Variants in TLL1 observed in about 807,000 individuals in gnomAD.
TLL1 encodes the protein tolloid like 1, also known as tolloid-like protein 1.
In TLL1, 49 loss-of-function variants were observed where a neutral mutation model predicts 128.2. The ratio of observed to expected loss-of-function variants is 0.38; its 90% confidence interval spans 0.30 to 0.48. The LOEUF (loss-of-function observed/expected upper bound fraction) is 0.48. Among genes scored for constraint, TLL1 ranks in the 20% least tolerant of loss-of-function variants. TLL1 has a pLI of 0.96. For synonymous variants in TLL1, 454 were observed against 418.8 expected (o/e 1.08, Z -1.03); for missense variants, 1,123 against 1,242.0 (o/e 0.90, Z 1.44).
rs751410082 is a variant in TLL1, at chr4:166,063,679, A to G, written c.2008-2004A>G. ...TGCAGCCATAAAAAATGATGAGTTC[A>G]TGTCCTTTGTAGAGACATGGATGAA... is the stretch of plus-strand genomic sequence containing the variant. On this transcript the variant is annotated intron_variant, in intron 15 of 20. Coordinates refer to ENST00000061240, the MANE Select transcript of TLL1 (RefSeq NM_012464.5). Among the ~76,000 whole-genome samples the G allele has an allele frequency of 6.6e-5, 10 of 152,290 alleles. No individual in the cohort carries two copies. In the Middle Eastern group the frequency reaches 0.014, roughly 207 times the overall value.
Position 165,943,421 on chromosome 4 carries a change from T to C in TLL1, c.170-45960T>C, listed in dbSNP as rs181030109. ...CAAATTTTAAAAGATCAGAAGTTTT[T>C]TCCTCCTTAGTAATATTTTATATTT... is the stretch of plus-strand genomic sequence containing the variant. On this transcript the variant is annotated intron_variant, in intron 1 of 20. Coordinates refer to ENST00000061240, the MANE Select transcript of TLL1 (RefSeq NM_012464.5). Among the ~76,000 whole-genome samples, 19 of 152,150 alleles carry C rather than the reference T, an allele frequency of 1.2e-4. 1 individual carries two copies. In the East Asian group the frequency reaches 3.7e-3, roughly 29 times the overall value.
Position 165,951,224 on chromosome 4 carries a change from A to G in TLL1, c.170-38157A>G, listed in dbSNP as rs143599763. 5.1e-4 allele frequency among the ~76,000 whole-genome samples: 78 copies of G among 152,256 alleles called. 1 individual carries two copies. In the East Asian group the frequency reaches 0.013, roughly 26 times the overall value. ...AGAAATGATAACCTGAATAGCCTAC[A>G]CCTATTAAATAAATTGAATTACTGT... On this transcript the variant is annotated intron_variant, in intron 1 of 20. Transcript: ENST00000061240.
rs1270007094 is a variant in TLL1 at position 165,873,368 on chromosome 4, C to G, written c.-537C>G. 6.5e-6 allele frequency: 1 copy of G among 153,342 alleles called. No homozygotes were observed. Among genetic ancestry groups the G allele is most frequent in the East Asian group, 1.9e-4 (1 of 5,228 alleles). 9.5% of individuals were successfully genotyped at this position (153,342 alleles called of 1,614,324 possible). A position where few individuals can be genotyped will look rare whatever the true frequency, so the allele number is the denominator to read the frequency against. ...CACCCCCTTCCTCGGTCTCCCCTTT[C>G]AATTCAGATGTGCTGATGTGCAGAC... On this transcript the variant is annotated 5_prime_UTR_variant, in exon 1 of 21. An upstream open reading frame in the 5' UTR gains an earlier in-frame stop. Coordinates refer to ENST00000061240, the MANE Select transcript of TLL1 (RefSeq NM_012464.5).
intron 1 of TLL1, among the ~76,000 whole-genome samples, chr4:165,899,528 G>C (rs10020670): frequency 6.6e-6 from 1 of 151,938 alleles, no homozygotes; most frequent in Non-Finnish European, 1.5e-5. Context: ...GTATTTGTGC[G>C]GTTTTGAGTG....
rs141149983 is a variant in TLL1, at chr4:165,873,701, G to C, written c.-204G>C. The C allele has an allele frequency of 7.9e-4, 447 of 562,450 alleles. 1 individual carries two copies. The highest frequency in any genetic ancestry group is 7.7e-3 in the African/African-American group (410 of 53,048). 34.8% of individuals were successfully genotyped at this position (562,450 alleles called of 1,614,324 possible). On this transcript the variant is annotated 5_prime_UTR_variant, in exon 1 of 21. Transcript: ENST00000061240. ...GTGGGCCCCTAGCCAACTTCTCCCT[G>C]CGACTGGGGGTAACAGGCAGTGCTT...
Position 165,934,261 on chromosome 4 carries a change from C to A in TLL1, c.170-55120C>A, listed in dbSNP as rs542938082. Among the ~76,000 whole-genome samples, 29 of 151,214 alleles carry A rather than the reference C, an allele frequency of 1.9e-4. 1 individual carries two copies. The highest frequency in any genetic ancestry group is 1.7e-3 in the Admixed American group (26 of 15,158). On this transcript the variant is annotated intron_variant, in intron 1 of 20. Transcript: ENST00000061240. The stretch of plus-strand genomic sequence containing the variant: ...AACTCCTGACCTCAGGTGATCCACC[C>A]GCCTCAGCCTCCCAAAGTGCTGGGA...
intron 6 of TLL1, 116 bp downstream of exon 6, chr4:166,003,685 A>C: frequency 9.2e-7 from 1 of 1,089,834 alleles, no homozygotes; most frequent in Non-Finnish European, 1.4e-6. Flanking sequence ...GATATGATAG[A>C]GTAACATTTT....
At chr4:165,936,702 T>C (rs112313107) in intron 1 of TLL1, among the ~76,000 whole-genome samples, 3,741 of 151,790 alleles carry the variant, frequency 0.025, 162 homozygotes, top group African/African-American at 0.086. Flanking sequence ...CTGAGGTGGG[T>C]GGATCACCTG....
At chr4:166,078,240 A>C (rs1272230247) in intron 18 of TLL1, among the ~76,000 whole-genome samples, 2 of 152,068 alleles carry the variant, frequency 1.3e-5, no homozygotes, top group African/African-American at 4.8e-5. Context: ...AGGGTTTCTT[A>C]TCCTGGATGT....
intron 1 of TLL1, among the ~76,000 whole-genome samples, chr4:165,911,252 CT>C (rs902706897): frequency 2.0e-5 from 3 of 152,090 alleles, no homozygotes; most frequent in South Asian, 2.1e-4. Flanking sequence ...ATAAGATCAA[CT>C]TTTTTTTAGC....
intron 8 of TLL1, among the ~76,000 whole-genome samples, chr4:166,018,227 A>G (rs1738042518): frequency 1.3e-5 from 2 of 152,164 alleles, no homozygotes; most frequent in Admixed American, 6.6e-5. Flanking sequence ...TGGTACTCGG[A>G]TACTTGGCTA....
intron 1 of TLL1, among the ~76,000 whole-genome samples, chr4:165,965,947 G>C (rs761218968): frequency 1.3e-5 from 2 of 152,136 alleles, no homozygotes; most frequent in Non-Finnish European, 2.9e-5. Flanking sequence ...TTGGGAGGCT[G>C]AGGTGGGTGG....
chr4:166,017,545 A>G (rs1199931219), intron 8 of TLL1, among the ~76,000 whole-genome samples: 1 of 152,108 alleles, frequency 6.6e-6, no homozygotes, highest in Non-Finnish European at 1.5e-5. Context: ...ACTACTTTTT[A>G]TTCCTAACAA....
intron 18 of TLL1, among the ~76,000 whole-genome samples, chr4:166,086,655 C>G (rs1029219044): frequency 5.3e-5 from 8 of 152,086 alleles, no homozygotes; most frequent in African/African-American, 1.9e-4. Context: ...CCATGGAAGC[C>G]TCAGAAGCCC....
chr4:165,940,548 A>T (rs1733958656), intron 1 of TLL1, among the ~76,000 whole-genome samples: 1 of 152,042 alleles, frequency 6.6e-6, no homozygotes. Flanking sequence ...AAAATTCATT[A>T]AAGAGGTTGG....
chr4:165,997,892 CA>C (rs1342852066), intron 5 of TLL1, among the ~76,000 whole-genome samples: 1 of 152,132 alleles, frequency 6.6e-6, no homozygotes, highest in Non-Finnish European at 1.5e-5. Flanking sequence ...TTCAGTGGGA[CA>C]TATGCTTTAA....
At chr4:165,932,548 G>T (rs893093904) in intron 1 of TLL1, among the ~76,000 whole-genome samples, 1 of 152,192 alleles carries the variant, frequency 6.6e-6, no homozygotes, top group Non-Finnish European at 1.5e-5. Context: ...CGTAACTGAG[G>T]ATGGAGCTCA....
intron 1 of TLL1, among the ~76,000 whole-genome samples, chr4:165,931,511 G>A (rs1283580610): frequency 2.7e-5 from 4 of 147,234 alleles, no homozygotes; most frequent in East Asian, 1.9e-4. Context: ...GAGGTCAGGA[G>A]ATTGAGACCT....
At chr4:165,901,289 G>T (rs1731972481) in intron 1 of TLL1, among the ~76,000 whole-genome samples, 1 of 152,110 alleles carries the variant, frequency 6.6e-6, no homozygotes, top group African/African-American at 2.4e-5. Context: ...TGCTGGTGAG[G>T]AGTTGTGATC....
Sources: allele counts gnomAD v4.1 joint callset (sites outside exome capture counted in the v4.1 genomes callset), GRCh38; gene constraint gnomAD v4.1.1; transcripts MANE v1.5; gene names NCBI Gene and HGNC (gene_info 2026-07-23, HGNC 2026-07-21).